Variants in UNC5C observed in about 807,000 individuals in gnomAD.
The protein encoded by UNC5C is netrin receptor UNC5C.
A neutral mutation model predicts 99.8 loss-of-function variants in UNC5C; 47 were observed. The ratio of observed to expected loss-of-function variants is 0.47; its 90% confidence interval spans 0.37 to 0.60. The LOEUF (loss-of-function observed/expected upper bound fraction) is 0.60, where lower values mean the gene tolerates loss of function less well. Among genes scored for constraint, UNC5C ranks in the 20% least tolerant of loss-of-function variants. The pLI, the probability that UNC5C is intolerant of heterozygous loss-of-function variation, is 0.00. For missense variants in UNC5C, 1,062 were observed against 1,165.9 expected (o/e 0.91, Z 1.30); for synonymous variants, 487 against 452.2 (o/e 1.08, Z -0.98).
intron 1 of UNC5C, among the ~76,000 whole-genome samples, chr4:95,543,226 C>T (rs1201362326): frequency 6.6e-6 from 1 of 152,014 alleles, no homozygotes; most frequent in Admixed American, 6.6e-5. Flanking sequence ...GAGTGCAGAA[C>T]CAGAACCAAT....
intron 7 of UNC5C, among the ~76,000 whole-genome samples, chr4:95,224,852 A>ATT (rs36082817): frequency 1.7e-4 from 26 of 148,970 alleles, no homozygotes; most frequent in Admixed American, 6.0e-4. Flanking sequence ...TTAAGGAAGA[A>ATT]TTTTTTTTTT....
intron 2 of UNC5C, among the ~76,000 whole-genome samples, chr4:95,303,246 A>T (rs910321323): frequency 3.9e-5 from 6 of 152,318 alleles, no homozygotes; most frequent in African/African-American, 1.4e-4. Flanking sequence ...GCAAATGCAC[A>T]TTCTCAGGCT....
At chr4:95,383,261 T>TA (rs1745121008) in intron 1 of UNC5C, among the ~76,000 whole-genome samples, 1 of 125,226 alleles carries the variant, frequency 8.0e-6, no homozygotes, top group African/African-American at 3.5e-5. Flanking sequence ...ATGTGTGTGT[T>TA]TACACACACA....
At chr4:95,474,636 A>G (rs1288077101) in intron 1 of UNC5C, among the ~76,000 whole-genome samples, 2 of 152,112 alleles carry the variant, frequency 1.3e-5, no homozygotes, top group African/African-American at 2.4e-5. Flanking sequence ...TTAAAAACTA[A>G]TACCTTTGGG....
At chr4:95,248,471 C>T (rs1739579818) in intron 5 of UNC5C, 3 of 447,336 alleles carry the variant, frequency 6.7e-6, no homozygotes, top group African/African-American at 4.0e-5. Context: ...CGTAACTTCC[C>T]CGTGGTCTCA....
chr4:95,175,166 C>A lies in UNC5C; in HGVS notation c.2452-4834G>T, dbSNP rs1476644774. ...GCACGTGAGATGGGTTTCCTGAATA[C>A]AGCACACTGATGGGTCTTGACTCTT... On this transcript the variant is annotated intron_variant, in intron 14 of 15. Transcript: ENST00000453304. Among the ~76,000 whole-genome samples, 5 of 150,420 alleles carry A rather than the reference C, an allele frequency of 3.3e-5. No homozygotes were observed. In the East Asian group the frequency reaches 9.7e-4, roughly 29 times the overall value.
intron 1 of UNC5C, among the ~76,000 whole-genome samples, chr4:95,438,529 G>C (rs550368537): frequency 2.0e-3 from 303 of 152,074 alleles, no homozygotes; most frequent in African/African-American, 6.9e-3. Flanking sequence ...GAAAAATTTG[G>C]TTTGCAAAAA....
chr4:95,510,893 C>G (rs1230230036), intron 1 of UNC5C, among the ~76,000 whole-genome samples: 2 of 151,794 alleles, frequency 1.3e-5, no homozygotes, highest in Non-Finnish European at 2.9e-5. Flanking sequence ...AGAACAGGAT[C>G]CACATATGAA....
chr4:95,411,564 G>T (rs1037326427), intron 1 of UNC5C, among the ~76,000 whole-genome samples: 1 of 152,092 alleles, frequency 6.6e-6, no homozygotes, highest in South Asian at 2.1e-4. Flanking sequence ...AGGCTGTTTT[G>T]TATCCAACCG....
intron 1 of UNC5C, among the ~76,000 whole-genome samples, chr4:95,338,756 C>A (rs76966494): frequency 0.038 from 5,762 of 152,086 alleles, 152 homozygotes; most frequent in Non-Finnish European, 0.056. Flanking sequence ...CAACTTTGAT[C>A]ATTCCTAAGA....
chr4:95,208,652 G>A (rs547357495), intron 10 of UNC5C, among the ~76,000 whole-genome samples: 9 of 152,222 alleles, frequency 5.9e-5, no homozygotes, highest in African/African-American at 1.9e-4. Context: ...CCTTTTCAAG[G>A]ACACCATTTG....
At position 95,250,510 on chromosome 4, in the gene UNC5C, G is replaced by T. The variant is rs752006431; in HGVS notation, c.752C>A (p.Thr251Lys). Residue 251 changes from threonine (T) to lysine (K), a missense_variant, in exon 5 of 16, where the codon ACA becomes AAA. Thr to Lys is a moderately conservative substitution (Grantham distance 78, BLOSUM62 -1). This residue lies in a region of UNC5C where 810 missense variants were observed against 854.5 expected (regional missense o/e 0.95). Coordinates refer to ENST00000453304, the MANE Select transcript of UNC5C (RefSeq NM_003728.4). ...ACCATAGACTATGACAGTGGCAGTTGTACTTTTCCTCTTGGCAACAATGTT... is the reference window on the plus strand; with the variant it reads ...ACCATAGACTATGACAGTGGCAGTTTTACTTTTCCTCTTGGCAACAATGTT... ...AKNIVAKRKS[T>K]TATVIVYVNG... The T allele has an allele frequency of 6.2e-7, 1 of 1,613,868 alleles. No homozygotes were observed. The highest frequency in any genetic ancestry group is 2.2e-5 in the East Asian group (1 of 44,872).
chr4:95,411,005 C>A (rs1745970671), intron 1 of UNC5C, among the ~76,000 whole-genome samples: 1 of 152,158 alleles, frequency 6.6e-6, no homozygotes, highest in African/African-American at 2.4e-5. Context: ...CCTAAACTGG[C>A]AAATGCTTGG....
chr4:95,282,869 T>G (rs1480773817), intron 3 of UNC5C, among the ~76,000 whole-genome samples: 1 of 152,182 alleles, frequency 6.6e-6, no homozygotes, highest in African/African-American at 2.4e-5. Context: ...ATAATATTTT[T>G]CAGTTTTGTG....
intron 1 of UNC5C, among the ~76,000 whole-genome samples, chr4:95,347,410 T>C (rs1216177682): frequency 2.0e-5 from 3 of 151,894 alleles, no homozygotes; most frequent in African/African-American, 7.2e-5. Context: ...AAAAAAATGC[T>C]AAAATTTACA....
chr4:95,453,190 G>C (rs1300761510), intron 1 of UNC5C, among the ~76,000 whole-genome samples: 2 of 152,106 alleles, frequency 1.3e-5, no homozygotes, highest in African/African-American at 2.4e-5. Context: ...GCAAGGTGCT[G>C]GGGGTGGGTT....
intron 2 of UNC5C, among the ~76,000 whole-genome samples, chr4:95,332,971 G>T (rs912399585): frequency 2.1e-4 from 32 of 152,082 alleles, no homozygotes; most frequent in African/African-American, 7.2e-4. Context: ...CACGAAAAAA[G>T]GCTCACCATC....
chr4:95,188,319 A>G (rs1338352664), intron 12 of UNC5C, among the ~76,000 whole-genome samples: 1 of 152,200 alleles, frequency 6.6e-6, no homozygotes, highest in Non-Finnish European at 1.5e-5. Flanking sequence ...CGTTCATGAC[A>G]TAGGAAAGCA....
chr4:95,530,897 A>G (rs1722623049), intron 1 of UNC5C, among the ~76,000 whole-genome samples: 1 of 152,220 alleles, frequency 6.6e-6, no homozygotes, highest in African/African-American at 2.4e-5. Context: ...TGACCTTTGA[A>G]ACCATCAAAA....
Sources: allele counts gnomAD v4.1 joint callset (sites outside exome capture counted in the v4.1 genomes callset), GRCh38; gene constraint gnomAD v4.1.1; regional missense constraint gnomAD v4.1.1; transcripts MANE v1.5; gene names NCBI Gene and HGNC (gene_info 2026-07-23, HGNC 2026-07-21).